The following DPP10 variants were observed in gnomAD, a reference collection of about 807,000 sequenced individuals.
DPP10 encodes dipeptidyl peptidase like 10.
A neutral mutation model predicts 120.9 loss-of-function variants in DPP10; 33 were observed. The observed-to-expected ratio is 0.27, with a 90% CI of 0.21 to 0.37. The LOEUF (loss-of-function observed/expected upper bound fraction) is 0.37. Ranked by LOEUF, DPP10 falls within the 10% of genes least tolerant of loss-of-function variation. The pLI, the probability that DPP10 is intolerant of heterozygous loss-of-function variation, is 1.00. For missense variants in DPP10, 816 were observed against 942.8 expected (o/e 0.87, Z 1.76); for synonymous variants, 337 against 326.1 (o/e 1.03, Z -0.36).
At position 115,568,480 on chromosome 2, in the gene DPP10, T is replaced by TA. The variant is rs1054643211; in HGVS notation, c.441+42516dup. ...CCTGGCGACAGAGCGAGACTCCGTC[T>TA]AAAAAAAATAAAGAAAGAAATAATA... On this transcript the variant is annotated intron_variant, in intron 5 of 25. Transcript: ENST00000410059. Among the ~76,000 whole-genome samples the TA allele has an allele frequency of 5.7e-4, 86 of 151,422 alleles. 1 individual carries two copies. In the Middle Eastern group the frequency reaches 0.01, roughly 18 times the overall value.
intron 1 of DPP10, among the ~76,000 whole-genome samples, chr2:115,012,437 C>A (rs1310279398): frequency 6.6e-6 from 1 of 152,174 alleles, no homozygotes; most frequent in Non-Finnish European, 1.5e-5. Context: ...CCACTTCACT[C>A]CCCTGCTGCC....
intron 1 of DPP10, among the ~76,000 whole-genome samples, chr2:114,945,281 G>C (rs892135565): frequency 6.6e-6 from 1 of 152,172 alleles, no homozygotes; most frequent in African/African-American, 2.4e-5. Flanking sequence ...GGAAGATAAT[G>C]TTAAGAGAAC....
chr2:114,693,778 T>G (rs891723823), intron 1 of DPP10, among the ~76,000 whole-genome samples: 4 of 151,996 alleles, frequency 2.6e-5, no homozygotes, highest in Non-Finnish European at 5.9e-5. Context: ...CGTTTGCTCT[T>G]TTTTATTCTT....
At chr2:115,678,150 C>G (rs2090404724) in intron 5 of DPP10, among the ~76,000 whole-genome samples, 1 of 152,230 alleles carries the variant, frequency 6.6e-6, no homozygotes, top group African/African-American at 2.4e-5. Context: ...AAGAGAAATT[C>G]AAGCCAGCTG....
intron 1 of DPP10, among the ~76,000 whole-genome samples, chr2:114,733,269 C>T (rs1230247006): frequency 1.3e-5 from 2 of 152,094 alleles, no homozygotes; most frequent in Non-Finnish European, 2.9e-5. Context: ...AGTAGCAATC[C>T]AAAAATTCCT....
chr2:115,395,002 G>A (rs187745858), intron 3 of DPP10, among the ~76,000 whole-genome samples: 42 of 152,292 alleles, frequency 2.8e-4, no homozygotes, highest in African/African-American at 9.9e-4. Flanking sequence ...TATCATTGTA[G>A]ACAAAAGTTT....
At chr2:115,598,680 T>C (rs890869824) in intron 5 of DPP10, among the ~76,000 whole-genome samples, 1 of 151,872 alleles carries the variant, frequency 6.6e-6, no homozygotes, top group African/African-American at 2.4e-5. Context: ...TAAATTATAT[T>C]TTGAAGAAAT....
intron 1 of DPP10, among the ~76,000 whole-genome samples, chr2:115,193,925 A>T (rs765773635): frequency 6.6e-6 from 1 of 152,164 alleles, no homozygotes; most frequent in Non-Finnish European, 1.5e-5. Flanking sequence ...AATTAAATCT[A>T]AAAATGTGTG....
At chr2:115,193,621 T>G (rs1337301698) in intron 1 of DPP10, among the ~76,000 whole-genome samples, 1 of 152,176 alleles carries the variant, frequency 6.6e-6, no homozygotes, top group Non-Finnish European at 1.5e-5. Flanking sequence ...TCAGTCCAAA[T>G]TTTTCCAAAT....
chr2:115,089,216 G>A (rs191989654), intron 1 of DPP10, among the ~76,000 whole-genome samples: 5 of 151,582 alleles, frequency 3.3e-5, no homozygotes, highest in African/African-American at 4.9e-5. Context: ...GTCAATCATC[G>A]CATTGATCAT....
rs181658453 is a variant in DPP10 at position 114,790,584 on chromosome 2, G to T, written c.60+347746G>T. Among the ~76,000 whole-genome samples, 80 of 152,200 alleles carry T rather than the reference G, an allele frequency of 5.3e-4. 2 individuals carry two copies. The East Asian group carries it at 0.015, about 28-fold the overall frequency. On this transcript the variant is annotated intron_variant, in intron 1 of 25. Coordinates refer to ENST00000410059, the MANE Select transcript of DPP10 (RefSeq NM_020868.6). ...TCCGAAAAGAGAGTCCGCAAAGGGA[G>T]ATAAAGGTGGGGCCGTTTTATAGGA...
intron 1 of DPP10, among the ~76,000 whole-genome samples, chr2:114,958,808 G>T (rs7421482): frequency 0.23 from 34,406 of 151,998 alleles, 4,163 homozygotes; most frequent in Middle Eastern, 0.38. Flanking sequence ...TTGATATTAT[G>T]AGATGAATTT....
rs7577974 is a variant in DPP10, at chr2:115,068,945, A to G, written c.61-240294A>G. ...GTATGTCTATTTTTATGCCAGTATCATGTTGTTTTTATTACTATAGCTTTG... is the reference window on the plus strand; with the variant it reads ...GTATGTCTATTTTTATGCCAGTATCGTGTTGTTTTTATTACTATAGCTTTG... On this transcript the variant is annotated intron_variant, in intron 1 of 25. Coordinates refer to ENST00000410059, the MANE Select transcript of DPP10 (RefSeq NM_020868.6). Among the ~76,000 whole-genome samples, 799 of 152,170 alleles carry G rather than the reference A, an allele frequency of 5.3e-3. 5 individuals carry two copies. The highest frequency in any genetic ancestry group is 0.01 in the Middle Eastern group (3 of 294).
chr2:115,444,241 C>T (rs1489792016), intron 3 of DPP10, among the ~76,000 whole-genome samples: 1 of 152,162 alleles, frequency 6.6e-6, no homozygotes, highest in Non-Finnish European at 1.5e-5. Flanking sequence ...TTTTTCTTCT[C>T]ACTTCAATAA....
intron 21 of DPP10, among the ~76,000 whole-genome samples, chr2:115,829,815 T>A: frequency 6.6e-6 from 1 of 152,134 alleles, no homozygotes; most frequent in East Asian, 1.9e-4. Context: ...TCTAACTAGC[T>A]TGTTGGGATA....
intron 5 of DPP10, among the ~76,000 whole-genome samples, chr2:115,668,007 G>A (rs999755075): frequency 6.6e-6 from 1 of 151,820 alleles, no homozygotes; most frequent in Non-Finnish European, 1.5e-5. Context: ...TATAAGCTTA[G>A]TTCTATTGTT....
At chr2:115,452,807 A>G (rs1037952932) in intron 3 of DPP10, among the ~76,000 whole-genome samples, 1 of 151,924 alleles carries the variant, frequency 6.6e-6, no homozygotes, top group Non-Finnish European at 1.5e-5. Context: ...AATATAAAAT[A>G]TAAGTATTGT....
chr2:115,520,832 A>G (rs12997971), intron 4 of DPP10, among the ~76,000 whole-genome samples: 32,312 of 152,120 alleles, frequency 0.21, 3,948 homozygotes, highest in East Asian at 0.39. Flanking sequence ...TACCATCATT[A>G]TCTCATTTTC....
chr2:114,536,322 A>T (rs1032761988), intron 1 of DPP10, among the ~76,000 whole-genome samples: 1 of 151,640 alleles, frequency 6.6e-6, no homozygotes, highest in Non-Finnish European at 1.5e-5. Flanking sequence ...AGCCATTTAG[A>T]TTTAAAATTC....
Sources: allele counts gnomAD v4.1 joint callset (sites outside exome capture counted in the v4.1 genomes callset), GRCh38; gene constraint gnomAD v4.1.1; transcripts MANE v1.5; gene names NCBI Gene and HGNC (gene_info 2026-07-23, HGNC 2026-07-21).